The following ATRN variants were observed in gnomAD, a reference collection of about 807,000 sequenced individuals.
ATRN encodes attractin-2.
In ATRN, 54 loss-of-function variants were observed where a neutral mutation model predicts 178.7. That is an observed-to-expected ratio of 0.30 (90% CI 0.24 to 0.38). The LOEUF (loss-of-function observed/expected upper bound fraction) is 0.38, where lower values mean the gene tolerates loss of function less well. ATRN is among the 10% of genes least tolerant of loss of function. ATRN has a pLI of 1.00. For synonymous variants in ATRN, 636 were observed against 663.0 expected (o/e 0.96, Z 0.63); for missense variants, 1,443 against 1,815.1 (o/e 0.79, Z 3.73).
intron 1 of ATRN, among the ~76,000 whole-genome samples, chr20:3,484,005 T>C (rs1317993031): frequency 6.6e-6 from 1 of 152,100 alleles, no homozygotes; most frequent in Admixed American, 6.5e-5. Context: ...CCCAGCACTT[T>C]GGGAGGCTGA....
At chr20:3,554,075 T>A (rs2146210559) in intron 6 of ATRN, among the ~76,000 whole-genome samples, 1 of 152,304 alleles carries the variant, frequency 6.6e-6, no homozygotes, top group East Asian at 1.9e-4. Flanking sequence ...CACAAACATC[T>A]GTTCCTGGAA....
chr20:3,541,365 C>T (rs1341297475), intron 3 of ATRN, among the ~76,000 whole-genome samples: 1 of 152,166 alleles, frequency 6.6e-6, no homozygotes, highest in Non-Finnish European at 1.5e-5. Flanking sequence ...GCGTGAGCCA[C>T]CGCGCCCGGC....
chr20:3,491,183 C>T lies in ATRN; in HGVS notation c.410+19666C>T, dbSNP rs954997414. 7.2e-5 allele frequency among the ~76,000 whole-genome samples: 11 copies of T among 152,144 alleles called. No homozygotes were observed. In the South Asian group the frequency reaches 1.5e-3, roughly 20 times the overall value. ...CAAAAAAAACCCTTCTTTGATCCCC[C>T]GTGTCTTCTCCAAATGTGGCCTCAT... On this transcript the variant is annotated intron_variant, in intron 1 of 28. Coordinates refer to ENST00000262919, the MANE Select transcript of ATRN (RefSeq NM_139321.3).
intron 25 of ATRN, among the ~76,000 whole-genome samples, chr20:3,625,084 C>T (rs2086926659): frequency 6.6e-6 from 1 of 152,038 alleles, no homozygotes; most frequent in African/African-American, 2.4e-5. Flanking sequence ...TTGAAAAAGA[C>T]AAAAAACGTG....
intron 14 of ATRN, 53 bp from the exon 15 acceptor site, chr20:3,578,529 A>T: frequency 6.8e-7 from 1 of 1,469,936 alleles, no homozygotes; most frequent in Non-Finnish European, 9.3e-7. Context: ...ATAATACAGT[A>T]GTTTTGTCTG....
At chr20:3,479,277 CT>C (rs748491849) in intron 1 of ATRN, among the ~76,000 whole-genome samples, 4 of 152,140 alleles carry the variant, frequency 2.6e-5, no homozygotes, top group Non-Finnish European at 5.9e-5. Flanking sequence ...TGTGCCCTTC[CT>C]TGAGGATATG....
At chr20:3,471,818 C>G (rs903245547) in intron 1 of ATRN, among the ~76,000 whole-genome samples, 12 of 152,178 alleles carry the variant, frequency 7.9e-5, no homozygotes, top group Admixed American at 7.9e-4. Flanking sequence ...GCCGATCGCT[C>G]TAAAACTCGG....
chr20:3,516,505 GT>G (rs1046339155), intron 1 of ATRN, among the ~76,000 whole-genome samples: 14 of 152,160 alleles, frequency 9.2e-5, no homozygotes, highest in African/African-American at 3.4e-4. Context: ...TGAGCTATTA[GT>G]TTTAAAATTG....
chr20:3,536,585 T>TA (rs34462386), intron 2 of ATRN, among the ~76,000 whole-genome samples: 33,501 of 152,112 alleles, frequency 0.22, 4,140 homozygotes, highest in African/African-American at 0.3. Context: ...TTTATTCATT[T>TA]AAAAGCAACA....
Position 3,608,967 on chromosome 20 carries a change from C to CA in ATRN, c.3801+4716dup, listed in dbSNP as rs758329997. On this transcript the variant is annotated intron_variant, in intron 24 of 28. Transcript: ENST00000262919. ...GGGCAAACAAAGCGAGACTCTGTCT[C>CA]AAAAAAAAAAAGAAAAAAAAAAAAA... Among the ~76,000 whole-genome samples the CA allele has an allele frequency of 5.4e-3, 313 of 58,008 alleles. 1 individual carries two copies. Among genetic ancestry groups the CA allele is most frequent in the African/African-American group, 0.014 (205 of 14,528 alleles). 38.1% of individuals were successfully genotyped at this position (58,008 alleles called of 152,430 possible). A position where few individuals can be genotyped will look rare whatever the true frequency, so the allele number is the denominator to read the frequency against.
intron 25 of ATRN, among the ~76,000 whole-genome samples, chr20:3,628,041 G>A (rs2086957645): frequency 6.6e-6 from 1 of 151,994 alleles, no homozygotes; most frequent in Non-Finnish European, 1.5e-5. Flanking sequence ...GCGCGGTGGT[G>A]GGCGCCTATA....
chr20:3,585,872 C>A (rs1168621943), intron 18 of ATRN, among the ~76,000 whole-genome samples: 1 of 152,074 alleles, frequency 6.6e-6, no homozygotes, highest in African/African-American at 2.4e-5. Context: ...CCAAGAAATG[C>A]AAGTCAAAGC....
intron 24 of ATRN, among the ~76,000 whole-genome samples, chr20:3,607,521 G>T (rs993562006): frequency 3.3e-5 from 5 of 152,128 alleles, no homozygotes; most frequent in Admixed American, 2.6e-4. Context: ...ATGACCTCCA[G>T]TTCCATTCAT....
Position 3,591,201 on chromosome 20 carries a change from A to T in ATRN, c.3217A>T (p.Asn1073Tyr). 1 of 1,614,172 alleles carries T rather than the reference A, an allele frequency of 6.2e-7. No homozygotes were observed. The highest frequency in any genetic ancestry group is 1.3e-5 in the African/African-American group (1 of 75,066). Residue 1073 changes from asparagine (N) to tyrosine (Y), a missense_variant, in exon 19 of 29, where the codon AAT becomes TAT. This residue lies in a region of ATRN where 80 missense variants were observed against 71.5 expected (regional missense o/e 1.12). Coordinates refer to ENST00000262919, the MANE Select transcript of ATRN (RefSeq NM_139321.3). ...ATGCAACGGCCACAGTAAATGCATC[A>T]ATCAGAGCATCTGTGAGAAGTGTGA... The part of the protein sequence containing the change: ...CQCNGHSKCI[N>Y]QSICEKCENL...
At chr20:3,483,066 C>CT (rs1006372280) in intron 1 of ATRN, among the ~76,000 whole-genome samples, 10 of 152,144 alleles carry the variant, frequency 6.6e-5, no homozygotes, top group Non-Finnish European at 5.9e-5. Context: ...CCAGAGGTAA[C>CT]TAGTATGGTG....
intron 22 of ATRN, among the ~76,000 whole-genome samples, chr20:3,598,843 C>A (rs575609521): frequency 1.3e-5 from 2 of 152,186 alleles, no homozygotes; most frequent in Admixed American, 1.3e-4. Flanking sequence ...TACACAAAGC[C>A]ATTTACCATT....
At chr20:3,496,202 T>A (rs1391742257) in intron 1 of ATRN, among the ~76,000 whole-genome samples, 1 of 151,384 alleles carries the variant, frequency 6.6e-6, no homozygotes, top group African/African-American at 2.4e-5. Flanking sequence ...AGCTTTTGAA[T>A]GTGTTTGCTC....
At chr20:3,610,599 G>T (rs944366442) in intron 24 of ATRN, among the ~76,000 whole-genome samples, 19 of 144,920 alleles carry the variant, frequency 1.3e-4, no homozygotes, top group African/African-American at 4.8e-4. Flanking sequence ...TTGAGACAGG[G>T]TCTCACTTTG....
At chr20:3,534,861 C>G (rs888211020) in intron 1 of ATRN, among the ~76,000 whole-genome samples, 4 of 151,992 alleles carry the variant, frequency 2.6e-5, no homozygotes, top group African/African-American at 4.8e-5. Flanking sequence ...AATTCTGGTG[C>G]TTTGGGAAGC....
Sources: gnomAD v4.1 joint callset for allele counts (sites outside exome capture counted in the v4.1 genomes callset) on GRCh38, gnomAD v4.1.1 for gene constraint, gnomAD v4.1.1 regional missense constraint, MANE v1.5 for transcripts, NCBI Gene and HGNC (gene_info 2026-07-23, HGNC 2026-07-21) for gene names.